Variants in ILDR1 observed in about 807,000 individuals in gnomAD.
The protein encoded by ILDR1 is immunoglobulin like domain containing receptor 1.
ILDR1 carries 56 observed loss-of-function variants against 62.4 expected under a neutral mutation model. The ratio of observed to expected loss-of-function variants is 0.90; its 90% CI spans 0.72 to 1.12. ILDR1 has a LOEUF of 1.12. ILDR1 is among the 50% of genes most tolerant of loss of function. The pLI is 0.00. For missense variants in ILDR1, 736 were observed against 710.6 expected, an observed-to-expected ratio of 1.04 and a Z score of -0.41; for synonymous variants, 284 against 277.8, an observed-to-expected ratio of 1.02 and a Z score of -0.22.
the ILDR1 span, among the ~76,000 whole-genome samples, chr3:122,051,827 T>C: frequency 6.6e-6 from 1 of 152,192 alleles, no homozygotes; most frequent in Non-Finnish European, 1.5e-5. Context: ...CTAAAGATTC[T>C]GGGGACCTCT....
the ILDR1 span, among the ~76,000 whole-genome samples, chr3:122,053,767 C>T: frequency 6.6e-6 from 1 of 152,114 alleles, no homozygotes; most frequent in South Asian, 2.1e-4. Flanking sequence ...CTTATGCTAT[C>T]TTAAATAAAA....
rs1256798993 is a variant in ILDR1, at chr3:121,988,377, A to G, written c.1631T>C (p.Val544Ala). Residue 544 changes from valine (V) to alanine (A), a missense_variant, in exon 8 of 8, where the codon GTG (valine) becomes GCG (alanine). Transcript: ENST00000344209. ...EKDSSHSGRS[V>A]VI ...TGCTGTGCTTGGTGACTAAATGACC[A>G]CACTCCTTCCACTATGAGAGCTGTC... The G allele has an allele frequency of 4.3e-6, 7 of 1,613,648 alleles. No homozygotes were observed. The highest frequency in any genetic ancestry group is 5.9e-6 in the Non-Finnish European group (7 of 1,179,718).
At chr3:122,005,488 T>C in intron 2 of ILDR1, 95 bp from the exon 3 acceptor site, 2 of 1,369,548 alleles carry the variant, frequency 1.5e-6, no homozygotes, top group East Asian at 4.6e-5. Context: ...CACAGTGAAG[T>C]GTCTCAATTT....
In ILDR1 at chr3:121,993,761, T is replaced by G. The variant is rs774801855; in HGVS notation, c.988A>C (p.Ile330Leu). ...LGSEVVERRI[I>L]HLPPLIRDLS... ...TCTCTGATCAGTGGGGGCAGGTGGA[T>G]GATTCTGCGTTCCACGACCTCAGAG... Residue 330 changes from isoleucine to leucine, a missense_variant, in exon 7 of 8, where the codon ATC (isoleucine) becomes CTC (leucine). Physicochemically the swap from Ile to Leu is conservative, Grantham distance 5 (BLOSUM62 2). Transcript: ENST00000344209. 2.5e-6 allele frequency: 4 copies of G among 1,614,040 alleles called. No individual in the cohort carries two copies. The Admixed American group carries it at 6.7e-5, about 27-fold the overall frequency.
At chr3:121,996,619 TTA>T (rs1356564654) in intron 5 of ILDR1, among the ~76,000 whole-genome samples, 16 of 152,232 alleles carry the variant, frequency 1.1e-4, no homozygotes, top group African/African-American at 3.9e-4. Context: ...TCCCAATAAG[TTA>T]TCTTTTAACC....
chr3:122,037,921 CCT>C, the ILDR1 span, among the ~76,000 whole-genome samples: 76 of 148,274 alleles, frequency 5.1e-4, no homozygotes, highest in African/African-American at 3.9e-4. Context: ...TGTGGTACTT[CCT>C]CTCTCTCTCT....
chr3:122,024,334 C>G (rs760376934), upstream of ILDR1, among the ~76,000 whole-genome samples: 28 of 152,162 alleles, frequency 1.8e-4, no homozygotes, highest in South Asian at 4.1e-4. Flanking sequence ...GGCAGATGCT[C>G]CACAGAACTT....
In ILDR1 at chr3:122,005,278, T is replaced by C; in HGVS notation, c.345A>G (p.Val115=). 2 of 1,541,602 alleles carry C rather than the reference T, an allele frequency of 1.3e-6. No homozygotes were observed. Among genetic ancestry groups the C allele is most frequent in the East Asian group, 2.5e-5 (1 of 39,390 alleles). The change falls in exon 3 of 8, where the codon GTA becomes GTG. Residue 115 remains valine, a synonymous_variant. Coordinates refer to ENST00000344209, the MANE Select transcript of ILDR1 (RefSeq NM_001199799.2). The part of the protein sequence containing the change: ...RRGQNEPVLG[V]DYRQRKITIQ... ...TGGTGATCTTGCGCTGCCGGTAATC[T>C]ACCCCCAGCACGGGCTCATTCTGCC...
At chr3:122,018,350 A>G (rs2071806075) in intron 1 of ILDR1, among the ~76,000 whole-genome samples, 1 of 133,394 alleles carries the variant, frequency 7.5e-6, no homozygotes, top group East Asian at 2.5e-4. Flanking sequence ...ATGAGAACAC[A>G]TGGACACAGG....
At chr3:122,003,508 G>C (rs1369308224) in intron 3 of ILDR1, among the ~76,000 whole-genome samples, 1 of 152,176 alleles carries the variant, frequency 6.6e-6, no homozygotes, top group Non-Finnish European at 1.5e-5. Flanking sequence ...GACATAAAGA[G>C]TATTTTAGGG....
the ILDR1 span, among the ~76,000 whole-genome samples, chr3:122,053,074 G>A: frequency 6.6e-6 from 1 of 152,130 alleles, no homozygotes; most frequent in South Asian, 2.1e-4. Context: ...GCCAGCTTCT[G>A]GATTTCTCAC....
intron 1 of ILDR1, among the ~76,000 whole-genome samples, chr3:122,010,109 A>G (rs2071681987): frequency 7.3e-6 from 1 of 137,174 alleles, no homozygotes; most frequent in African/African-American, 2.5e-5. Flanking sequence ...AGAGAAACTC[A>G]TTGTTTCAGT....
At chr3:121,988,574 C>G (rs2071288949) in intron 7 of ILDR1, among the ~76,000 whole-genome samples, 166 bp from the exon 8 acceptor site, 1 of 152,216 alleles carries the variant, frequency 6.6e-6, no homozygotes, top group Non-Finnish European at 1.5e-5. Context: ...TGAAACCAAT[C>G]TCTCTCCCCA....
chr3:122,039,126 C>G, the ILDR1 span, among the ~76,000 whole-genome samples: 1 of 150,596 alleles, frequency 6.6e-6, no homozygotes, highest in South Asian at 2.1e-4. Context: ...AGTGATATAA[C>G]ATACACGTAC....
At chr3:122,048,233 A>G in the ILDR1 span, among the ~76,000 whole-genome samples, 1 of 152,228 alleles carries the variant, frequency 6.6e-6, no homozygotes, top group Non-Finnish European at 1.5e-5. Context: ...TTAATGATGT[A>G]CCATACTAAT....
At chr3:122,029,511 A>AATATATATATATATATATAT in the ILDR1 span, among the ~76,000 whole-genome samples, 4 of 139,478 alleles carry the variant, frequency 2.9e-5, no homozygotes, top group African/African-American at 8.5e-5. Context: ...GTCTAAAAAA[A>AATATATATATATATATATAT]ATATATATAT....
intron 5 of ILDR1, among the ~76,000 whole-genome samples, chr3:121,997,852 G>A (rs1294389851): frequency 2.0e-5 from 3 of 152,234 alleles, no homozygotes; most frequent in Admixed American, 6.5e-5. Flanking sequence ...AAGTCCTACA[G>A]AGGGCTGTTT....
At chr3:122,036,271 A>T in the ILDR1 span, among the ~76,000 whole-genome samples, 2 of 152,206 alleles carry the variant, frequency 1.3e-5, no homozygotes, top group South Asian at 4.1e-4. Context: ...TAAAGAGATT[A>T]TCTGAAACTG....
chr3:121,995,058 G>A (rs2071416453), intron 5 of ILDR1, among the ~76,000 whole-genome samples: 1 of 152,224 alleles, frequency 6.6e-6, no homozygotes, highest in African/African-American at 2.4e-5. Flanking sequence ...TATAAAAAAA[G>A]TAGTGCAAGG....
Sources: gnomAD v4.1 joint callset for allele counts (sites outside exome capture counted in the v4.1 genomes callset) on GRCh38, gnomAD v4.1.1 for gene constraint, MANE v1.5 for transcripts, NCBI Gene and HGNC (gene_info 2026-07-23, HGNC 2026-07-21) for gene names.